The following CACNA1G variants were observed in gnomAD, a reference collection of about 807,000 sequenced individuals.
The protein encoded by CACNA1G is calcium voltage-gated channel subunit alpha1 G.
In CACNA1G, 67 loss-of-function variants were observed where a neutral mutation model predicts 219.4. That is an observed-to-expected ratio of 0.31 (90% CI 0.25 to 0.37). CACNA1G has a LOEUF of 0.37. Ranked by LOEUF, CACNA1G falls within the 10% of genes least tolerant of loss-of-function variation. The probability of loss-of-function intolerance (pLI) is 1.00; values close to 1 mark genes in which losing one functional copy is unlikely to be tolerated. For missense variants in CACNA1G, 2,380 were observed against 3,231.4 expected (o/e 0.74, Z 6.39); for synonymous variants, 1,296 against 1,345.3 (o/e 0.96, Z 0.80).
intron 26 of CACNA1G, among the ~76,000 whole-genome samples, chr17:50,614,044 G>A (rs1365284742): frequency 6.6e-6 from 1 of 152,244 alleles, no homozygotes; most frequent in Non-Finnish European, 1.5e-5. Context: ...CACACCTCAA[G>A]GCCGATGCTG....
chr17:50,590,471 C>A lies in CACNA1G; in HGVS notation c.2302C>A (p.Pro768Thr). Residue 768 changes from proline (P) to threonine (T), a missense_variant and splice_region_variant, in exon 10 of 38, where the codon CCC (proline) becomes ACC (threonine). Pro to Thr is a conservative substitution (Grantham distance 38). Coordinates refer to ENST00000359106, the MANE Select transcript of CACNA1G (RefSeq NM_018896.5). ...CCTCACATCCCACCCTGCCCTGCAG[C>A]CCGAGGAGCTTACCAACGCCCTAGA... is the stretch of plus-strand genomic sequence containing the variant. The part of the protein sequence containing the change: ...LSMGIEYHEQ[P>T]EELTNALEIS... 6.2e-7 allele frequency: 1 copy of A among 1,613,792 alleles called. No homozygotes were observed. Among genetic ancestry groups the A allele is most frequent in the Non-Finnish European group, 8.5e-7 (1 of 1,179,868 alleles).
intron 7 of CACNA1G, among the ~76,000 whole-genome samples, 170 bp from the exon 8 acceptor site, chr17:50,575,373 A>G (rs1328946688): frequency 6.6e-6 from 1 of 152,154 alleles, no homozygotes; most frequent in African/African-American, 2.4e-5. Context: ...TGTCTGATGG[A>G]GATTACAATA....
At chr17:50,614,987 A>T (rs1339013680) in intron 26 of CACNA1G, among the ~76,000 whole-genome samples, 7 of 152,206 alleles carry the variant, frequency 4.6e-5, no homozygotes, top group Non-Finnish European at 1.0e-4. Context: ...TCTGAGCCTG[A>T]GGAGACCAGT....
chr17:50,572,868 G>A lies in CACNA1G; in HGVS notation c.1047+14G>A. The A allele has an allele frequency of 6.2e-6, 10 of 1,607,866 alleles. No individual in the cohort carries two copies. The highest frequency in any genetic ancestry group is 8.5e-6 in the Non-Finnish European group (10 of 1,176,486). On this transcript the variant is annotated intron_variant, in intron 6 of 37. Coordinates refer to ENST00000359106, the MANE Select transcript of CACNA1G (RefSeq NM_018896.5). Reference sequence around the variant, plus strand: ...GCCATCTTCCAGGTGGGGCAGCCTGGGCCCCGGGAGCTTCCCCAGAACACC... The same window carrying A: ...GCCATCTTCCAGGTGGGGCAGCCTGAGCCCCGGGAGCTTCCCCAGAACACC...
intron 3 of CACNA1G, 150 bp from the exon 4 acceptor site, chr17:50,569,556 A>G (rs2038875368): frequency 1.5e-6 from 1 of 676,310 alleles, no homozygotes; most frequent in Non-Finnish European, 2.5e-6. Flanking sequence ...CCCCCCAGAC[A>G]GAGAGCCGGA....
chr17:50,610,026 A>G, intron 26 of CACNA1G, 91 bp downstream of exon 26: 1 of 1,338,888 alleles, frequency 7.5e-7, no homozygotes, highest in Non-Finnish European at 1.0e-6. Flanking sequence ...TTGGGGTGAA[A>G]GGGTGAGGGT....
intron 13 of CACNA1G, among the ~76,000 whole-genome samples, chr17:50,593,770 G>A (rs1188742664): frequency 6.6e-6 from 1 of 152,218 alleles, no homozygotes; most frequent in African/African-American, 2.4e-5. Context: ...GGGGTGGGAT[G>A]GAGAAAGGAC....
At chr17:50,582,196 C>T (rs530313629) in intron 9 of CACNA1G, among the ~76,000 whole-genome samples, 1 of 152,364 alleles carries the variant, frequency 6.6e-6, no homozygotes, top group South Asian at 2.1e-4. Context: ...GCCCTTAACC[C>T]AGACCAGAGA....
chr17:50,602,823 C>T lies in CACNA1G; in HGVS notation c.3919C>T (p.Arg1307Cys). 6.2e-7 allele frequency: 1 copy of T among 1,613,722 alleles called. No homozygotes were observed. The highest frequency in any genetic ancestry group is 8.5e-7 in the Non-Finnish European group (1 of 1,179,762). Residue 1307 changes from arginine to cysteine, a missense_variant, in exon 20 of 38, where the codon CGC (arginine) becomes TGC (cysteine). Physicochemically the swap from Arg to Cys is radical, Grantham distance 180. This residue lies in a region of CACNA1G where 153 missense variants were observed against 374.9 expected (regional missense o/e 0.41). Coordinates refer to ENST00000359106, the MANE Select transcript of CACNA1G (RefSeq NM_018896.5). Reference protein sequence around the residue: ...RPKIDPHSAERIFLTLSNYIF... With the variant: ...RPKIDPHSAECIFLTLSNYIF... ...CCCTGCCTCCCCTCTCTTGCAGGAA[C>T]GCATCTTCCTGACCCTCTCCAATTA...
At chr17:50,573,728 A>G (rs2039981819) in intron 7 of CACNA1G, 1 of 152,264 alleles carries the variant, frequency 6.6e-6, no homozygotes, top group Admixed American at 6.5e-5. Context: ...TATTCCTGCC[A>G]GTTCAGAAAT....
chr17:50,581,495 C>T (rs1438465516), intron 9 of CACNA1G, among the ~76,000 whole-genome samples: 2 of 152,132 alleles, frequency 1.3e-5, no homozygotes, highest in African/African-American at 4.8e-5. Flanking sequence ...CAGGCCCTGT[C>T]CTCTCCCACC....
chr17:50,587,856 C>G (rs1013716126), intron 9 of CACNA1G, among the ~76,000 whole-genome samples: 2 of 152,098 alleles, frequency 1.3e-5, no homozygotes, highest in African/African-American at 2.4e-5. Flanking sequence ...ATAAGCCTCT[C>G]GGTGGTGTGC....
intron 8 of CACNA1G, among the ~76,000 whole-genome samples, chr17:50,577,635 C>T (rs2040986264): frequency 6.6e-6 from 1 of 151,258 alleles, no homozygotes; most frequent in Admixed American, 6.6e-5. Flanking sequence ...GGCATATGTG[C>T]CGTGTGTGAA....
chr17:50,590,475 A>G lies in CACNA1G; in HGVS notation c.2306A>G (p.Glu769Gly). Residue 769 changes from glutamate (E) to glycine (G), a missense_variant, in exon 10 of 38, where the codon GAG (glutamate) becomes GGG (glycine). Coordinates refer to ENST00000359106, the MANE Select transcript of CACNA1G (RefSeq NM_018896.5). ...ACATCCCACCCTGCCCTGCAGCCCG[A>G]GGAGCTTACCAACGCCCTAGAAATC... is the stretch of plus-strand genomic sequence containing the variant. ...SMGIEYHEQP[E>G]ELTNALEISN... 1 of 1,613,784 alleles carries G rather than the reference A, an allele frequency of 6.2e-7. No homozygotes were observed.
intron 23 of CACNA1G, among the ~76,000 whole-genome samples, chr17:50,606,660 C>T (rs566495261): frequency 6.6e-6 from 1 of 152,268 alleles, no homozygotes; most frequent in Non-Finnish European, 1.5e-5. Flanking sequence ...TTTTTGTGTC[C>T]CTTCTCCTAC....
chr17:50,624,324 T>TGCCCCCCCCCCCCCCCCCCCGCCCC, intron 36 of CACNA1G, 36 bp from the exon 37 acceptor site: 1 of 1,177,664 alleles, frequency 8.5e-7, no homozygotes, highest in Non-Finnish European at 1.2e-6. Context: ...CTCCATTCTC[T>TGCCCCCCCCCCCCCCCCCCCGCCCC]CCCCCCACCC....
At position 50,596,958 on chromosome 17, in the gene CACNA1G, G is replaced by C. The variant is rs1275706945; in HGVS notation, c.3258+35G>C. The C allele has an allele frequency of 6.7e-7, 1 of 1,483,190 alleles. No homozygotes were observed. Among genetic ancestry groups the C allele is most frequent in the Non-Finnish European group, 9.0e-7 (1 of 1,110,108 alleles). 91.9% of individuals were successfully genotyped at this position (1,483,190 alleles called of 1,614,324 possible). ...GCATGTGGGTACCCTGATGGTGGGAGATATTCCAAGGAGGACAGGAGGAAG... is the reference window on the plus strand; with the variant it reads ...GCATGTGGGTACCCTGATGGTGGGACATATTCCAAGGAGGACAGGAGGAAG... On this transcript the variant is annotated intron_variant, in intron 16 of 37. Coordinates refer to ENST00000359106, the MANE Select transcript of CACNA1G (RefSeq NM_018896.5). The surrounding 1 kb of genome is among the most constrained non-coding windows in gnomAD (Gnocchi z 4.8).
intron 1 of CACNA1G, 84 bp downstream of exon 1, chr17:50,561,785 A>G: frequency 2.2e-6 from 2 of 892,386 alleles, no homozygotes; most frequent in Admixed American, 4.1e-5. Context: ...AAGAAGACCC[A>G]CCGCCAGGTG....
rs578003304 is a variant in CACNA1G, at chr17:50,603,345, G to A, written c.4169+146G>A. The A allele has an allele frequency of 1.3e-4, 90 of 681,668 alleles. No homozygotes were observed. The highest frequency in any genetic ancestry group is 6.6e-4 in the South Asian group (35 of 52,878). The allele number at this position is 681,668 out of a possible 1,614,324, so 42.2% of individuals were successfully genotyped here. ...GACCCCCACAGGCGATCCTGTCCCC[G>A]CCCCAGACAACACTCAGATTACGGC... On this transcript the variant is annotated intron_variant, in intron 21 of 37. Transcript: ENST00000359106. This position sits in a 1 kb window ranked among gnomAD's most constrained non-coding sequence, Gnocchi z 6.4.
Sources: gnomAD v4.1 joint callset for allele counts (sites outside exome capture counted in the v4.1 genomes callset) on GRCh38, gnomAD v4.1.1 for gene constraint, gnomAD v4.1.1 regional missense constraint, Gnocchi (gnomAD v3.1) non-coding constraint, MANE v1.5 for transcripts, NCBI Gene and HGNC (gene_info 2026-07-23, HGNC 2026-07-21) for gene names.